The following ERC1 variants were observed in gnomAD, a reference collection of about 807,000 sequenced individuals.
The protein encoded by ERC1 is RAB6 interacting protein 2.
In ERC1, 56 loss-of-function variants were observed where a neutral mutation model predicts 132.0. The observed-to-expected ratio is 0.42, with a 90% CI of 0.34 to 0.53. The LOEUF (loss-of-function observed/expected upper bound fraction) is 0.53, where lower values mean the gene tolerates loss of function less well. Among genes scored for constraint, ERC1 ranks in the 20% least tolerant of loss-of-function variants. ERC1 has a pLI of 0.03. For synonymous variants in ERC1, 478 were observed against 476.1 expected, an observed-to-expected ratio of 1.00 and a Z score of -0.05; for missense variants, 1,202 against 1,349.9, an observed-to-expected ratio of 0.89 and a Z score of 1.72.
intron 17 of ERC1, among the ~76,000 whole-genome samples, chr12:1,413,040 A>T (rs764369004): frequency 3.3e-5 from 5 of 152,208 alleles, no homozygotes; most frequent in African/African-American, 7.2e-5. Flanking sequence ...ACAGTAAAAG[A>T]GGTAGTGAAG....
At position 1,028,046 on chromosome 12, in the gene ERC1, G is replaced by A. The variant is rs763211324; in HGVS notation, c.143G>A (p.Gly48Asp). 7 of 1,614,066 alleles carry A rather than the reference G, an allele frequency of 4.3e-6. No homozygotes were observed. The highest frequency in any genetic ancestry group is 1.6e-4 in the Middle Eastern group (1 of 6,084). Reference sequence around the variant, plus strand: ...GGGAGTTCGGGAAGCAGTGTTGGAGGTGGCAGTGGGAAAACCCTTTCAATG... The same window carrying A: ...GGGAGTTCGGGAAGCAGTGTTGGAGATGGCAGTGGGAAAACCCTTTCAATG... ...TGGSSGSSVG[G>D]GSGKTLSMEN... The change falls in exon 2 of 19, where the codon GGT (glycine) becomes GAT (aspartate). Residue 48 changes from glycine (G) to aspartate (D), a missense_variant. Gly to Asp is a moderately conservative substitution (Grantham distance 94, BLOSUM62 -1). Coordinates refer to ENST00000360905, the MANE Select transcript of ERC1 (RefSeq NM_178040.4).
intron 2 of ERC1, among the ~76,000 whole-genome samples, chr12:1,042,640 G>A (rs1970442303): frequency 6.6e-6 from 1 of 151,642 alleles, no homozygotes; most frequent in African/African-American, 2.4e-5. Flanking sequence ...ACTCGGCCTA[G>A]TATTTTTAAT....
chr12:1,367,278 A>G (rs1474481334), intron 15 of ERC1, among the ~76,000 whole-genome samples: 4 of 152,232 alleles, frequency 2.6e-5, no homozygotes, highest in African/African-American at 9.6e-5. Flanking sequence ...CTACATGTCC[A>G]TGACATTAAA....
chr12:1,137,014 C>A (rs1949308082), intron 7 of ERC1, among the ~76,000 whole-genome samples: 3 of 151,636 alleles, frequency 2.0e-5, no homozygotes, highest in African/African-American at 4.8e-5. Context: ...AGATTATAAT[C>A]TTTGATGTCA....
intron 13 of ERC1, among the ~76,000 whole-genome samples, chr12:1,241,488 C>A (rs1051995641): frequency 1.3e-5 from 2 of 152,056 alleles, no homozygotes; most frequent in South Asian, 2.1e-4. Flanking sequence ...TCAAAAAAAT[C>A]TTTTAAATTG....
intron 8 of ERC1, among the ~76,000 whole-genome samples, chr12:1,161,163 C>T (rs957476215): frequency 6.6e-6 from 1 of 152,148 alleles, no homozygotes; most frequent in East Asian, 1.9e-4. Context: ...GTGGTCTCTG[C>T]TCTCAGGAGT....
At chr12:1,306,493 T>G (rs2080893835) in intron 15 of ERC1, among the ~76,000 whole-genome samples, 4 of 152,238 alleles carry the variant, frequency 2.6e-5, no homozygotes, top group Admixed American at 6.5e-5. Flanking sequence ...ACATTTCTTT[T>G]TATTTCTAGG....
At chr12:1,147,531 T>A (rs1298443206) in intron 8 of ERC1, among the ~76,000 whole-genome samples, 4 of 152,214 alleles carry the variant, frequency 2.6e-5, no homozygotes, top group African/African-American at 9.6e-5. Context: ...TTACTTCTTA[T>A]TAGGCACAAT....
intron 8 of ERC1, among the ~76,000 whole-genome samples, chr12:1,168,688 T>C (rs968982991): frequency 2.0e-5 from 3 of 152,140 alleles, no homozygotes; most frequent in African/African-American, 7.2e-5. Context: ...GGTTTTGCCA[T>C]GTTGGTCAGG....
intron 16 of ERC1, among the ~76,000 whole-genome samples, chr12:1,403,111 T>C (rs561609528): frequency 6.6e-6 from 1 of 152,360 alleles, no homozygotes; most frequent in African/African-American, 2.4e-5. Flanking sequence ...AATAGACAAC[T>C]AACTCCTTTT....
At chr12:1,161,034 A>AT (rs1220787146) in intron 8 of ERC1, among the ~76,000 whole-genome samples, 1 of 152,150 alleles carries the variant, frequency 6.6e-6, no homozygotes, top group Non-Finnish European at 1.5e-5. Flanking sequence ...TAATGAGTAC[A>AT]TTTGTAGTTG....
intron 15 of ERC1, among the ~76,000 whole-genome samples, chr12:1,308,564 C>T (rs1251441832): frequency 6.6e-6 from 1 of 151,894 alleles, no homozygotes; most frequent in Non-Finnish European, 1.5e-5. Context: ...ACTTTTAGAC[C>T]AAAATAAATA....
rs745543397 is a variant in ERC1 at position 1,154,276 on chromosome 12, TAC to T, written c.1737+12491_1737+12492del. Among the ~76,000 whole-genome samples the T allele has an allele frequency of 1.7e-3, 262 of 149,914 alleles. 2 individuals are homozygous for T. Among genetic ancestry groups the T allele is most frequent in the Middle Eastern group, 3.4e-3 (1 of 294 alleles). On this transcript the variant is annotated intron_variant, in intron 8 of 18. Coordinates refer to ENST00000360905, the MANE Select transcript of ERC1 (RefSeq NM_178040.4). ...ATGTATATGTGTATATATACACATA[TAC>T]ATGTATATATACACACACACGTGCA...
chr12:1,032,373 G>A (rs1968210386), intron 2 of ERC1, among the ~76,000 whole-genome samples: 1 of 152,162 alleles, frequency 6.6e-6, no homozygotes, highest in Admixed American at 6.6e-5. Flanking sequence ...AAACTTGTCT[G>A]TTGCCTGTTT....
intron 2 of ERC1, among the ~76,000 whole-genome samples, chr12:1,035,845 C>A (rs1289528387): frequency 6.6e-6 from 1 of 151,856 alleles, no homozygotes; most frequent in Non-Finnish European, 1.5e-5. Flanking sequence ...TGGCGTGAAC[C>A]CGAGAGGCGG....
intron 17 of ERC1, chr12:1,443,482 AGG>A (rs2093219469): frequency 6.6e-6 from 1 of 152,158 alleles, no homozygotes; most frequent in African/African-American, 2.4e-5. Flanking sequence ...GTTAGGCCAG[AGG>A]TGTCCTGTTC....
At chr12:1,305,842 T>C (rs1269678784) in intron 15 of ERC1, among the ~76,000 whole-genome samples, 1 of 152,186 alleles carries the variant, frequency 6.6e-6, no homozygotes, top group East Asian at 1.9e-4. Context: ...GATTGTTGCT[T>C]TTTAGATATA....
intron 1 of ERC1, among the ~76,000 whole-genome samples, chr12:1,021,624 G>A (rs1231964364): frequency 1.3e-5 from 2 of 151,700 alleles, no homozygotes; most frequent in Non-Finnish European, 2.9e-5. Context: ...GCATGAACCC[G>A]GGAGGCGGAG....
chr12:1,434,216 C>A (rs149086320), intron 17 of ERC1, among the ~76,000 whole-genome samples: 145 of 152,292 alleles, frequency 9.5e-4, no homozygotes, highest in Non-Finnish European at 1.5e-3. Flanking sequence ...TGGTCTCCAT[C>A]CTCTGGATTT....
Sources: allele counts gnomAD v4.1 joint callset (sites outside exome capture counted in the v4.1 genomes callset), GRCh38; gene constraint gnomAD v4.1.1; transcripts MANE v1.5; gene names NCBI Gene and HGNC (gene_info 2026-07-23, HGNC 2026-07-21).